Variants in COL5A1 observed in about 807,000 individuals in gnomAD.
The protein encoded by COL5A1 is collagen alpha-1(V) chain.
A neutral mutation model predicts 263.7 loss-of-function variants in COL5A1; 16 were observed. The observed-to-expected ratio is 0.06, with a 90% CI of 0.04 to 0.09. The LOEUF is 0.09. Among genes scored for constraint, COL5A1 ranks in the 10% least tolerant of loss-of-function variants. The pLI, the probability that COL5A1 is intolerant of heterozygous loss-of-function variation, is 1.00. For missense variants in COL5A1, 2,036 were observed against 2,540.5 expected, an observed-to-expected ratio of 0.80 and a Z score of 4.27; for synonymous variants, 1,012 against 1,004.5, an observed-to-expected ratio of 1.01 and a Z score of -0.14.
rs766527575 is a variant in COL5A1 at position 134,754,243 on chromosome 9, C to T, written c.1774-30C>T. Reference sequence around the variant, plus strand: ...TTTCTCCTGAGAAAGGCGGACTCGCCACTGACCCTTTGTCTCTTACCCCTG... The same window carrying T: ...TTTCTCCTGAGAAAGGCGGACTCGCTACTGACCCTTTGTCTCTTACCCCTG... On this transcript the variant is annotated intron_variant, in intron 15 of 65. Transcript: ENST00000371817. This position sits in a 1 kb window ranked among gnomAD's most constrained non-coding sequence, Gnocchi z 4.3. 6.2e-7 allele frequency: 1 copy of T among 1,612,038 alleles called. No individual in the cohort carries two copies. The highest frequency in any genetic ancestry group is 8.5e-7 in the Non-Finnish European group (1 of 1,179,234).
At chr9:134,831,000 C>T (rs1308817932) in intron 64 of COL5A1, among the ~76,000 whole-genome samples, 1 of 152,184 alleles carries the variant, frequency 6.6e-6, no homozygotes, top group Non-Finnish European at 1.5e-5. Flanking sequence ...CATTTATGGC[C>T]CAGATTCTCC....
intron 4 of COL5A1, among the ~76,000 whole-genome samples, chr9:134,722,726 A>T (rs564753269): frequency 6.6e-6 from 1 of 152,350 alleles, no homozygotes; most frequent in East Asian, 1.9e-4. Flanking sequence ...GCTTAATAAA[A>T]GTGTGTGGTT....
intron 39 of COL5A1, among the ~76,000 whole-genome samples, chr9:134,803,995 AC>A (rs1838205285): frequency 6.6e-6 from 1 of 152,162 alleles, no homozygotes; most frequent in Non-Finnish European, 1.5e-5. Flanking sequence ...ACTGGCCATA[AC>A]TTGCTGTGTT....
rs2132692154 is a variant in COL5A1 at position 134,754,948 on chromosome 9, G to T, written c.1827+622G>T. Among the ~76,000 whole-genome samples, 1 of 152,288 alleles carries T rather than the reference G, an allele frequency of 6.6e-6. No homozygotes were observed. The highest frequency in any genetic ancestry group is 1.5e-5 in the Non-Finnish European group (1 of 68,034). ...TGAACGAGAGAAATTTCGGTGCAGG[G>T]TTGGATTTGTTTCAGTGTGGACCTC... On this transcript the variant is annotated intron_variant, in intron 16 of 65. Transcript: ENST00000371817. The surrounding 1 kb of genome is among the most constrained non-coding windows in gnomAD (Gnocchi z 4.3).
At chr9:134,756,844 G>T (rs921744639) in intron 17 of COL5A1, 26 bp downstream of exon 17, 3 of 1,610,978 alleles carry the variant, frequency 1.9e-6, no homozygotes, top group Non-Finnish European at 2.5e-6. Flanking sequence ...CCCTCCTGGT[G>T]CCCTGGCATC....
At chr9:134,725,399 C>T (rs1460650844) in intron 4 of COL5A1, among the ~76,000 whole-genome samples, 1 of 152,186 alleles carries the variant, frequency 6.6e-6, no homozygotes, top group African/African-American at 2.4e-5. Flanking sequence ...TGATCTAATT[C>T]GTCATCACTG....
intron 18 of COL5A1, among the ~76,000 whole-genome samples, chr9:134,761,050 C>G (rs1026622981): frequency 1.3e-5 from 2 of 150,374 alleles, no homozygotes; most frequent in Non-Finnish European, 3.0e-5. Flanking sequence ...CACACATGCC[C>G]ACACTCACAC....
At chr9:134,671,709 T>C (rs1048829450) in intron 1 of COL5A1, among the ~76,000 whole-genome samples, 1 of 152,226 alleles carries the variant, frequency 6.6e-6, no homozygotes, top group Admixed American at 6.5e-5. Flanking sequence ...CATTTGTAAC[T>C]GGAAGTGTAT....
intron 1 of COL5A1, among the ~76,000 whole-genome samples, chr9:134,643,246 C>G (rs1365786768): frequency 6.6e-6 from 1 of 151,846 alleles, no homozygotes; most frequent in African/African-American, 2.4e-5. Flanking sequence ...CACAGACTCT[C>G]GAACATCAGA....
intron 1 of COL5A1, among the ~76,000 whole-genome samples, chr9:134,670,516 C>T (rs1564377073): frequency 6.6e-6 from 1 of 152,166 alleles, no homozygotes; most frequent in Non-Finnish European, 1.5e-5. Flanking sequence ...CAGTGGGGAG[C>T]TGTGATTTAA....
chr9:134,750,437 G>A, intron 11 of COL5A1, 105 bp from the exon 12 acceptor site: 2 of 1,004,006 alleles, frequency 2.0e-6, no homozygotes, highest in Non-Finnish European at 3.2e-6. Context: ...TGCGTGTCCA[G>A]TGCATTTCCC....
chr9:134,790,597 T>C (rs867908853), intron 32 of COL5A1, among the ~76,000 whole-genome samples: 10 of 65,676 alleles, frequency 1.5e-4, no homozygotes, highest in East Asian at 1.1e-3. Flanking sequence ...CATCTATCCA[T>C]CCACCCACCC....
chr9:134,714,635 GTGA>G (rs1208629195), intron 4 of COL5A1, among the ~76,000 whole-genome samples: 1 of 147,830 alleles, frequency 6.8e-6, no homozygotes, highest in South Asian at 2.2e-4. Context: ...GGTGGTGGAG[GTGA>G]TGGTGGTGGT....
chr9:134,744,533 ACT>A (rs778210337), intron 11 of COL5A1, among the ~76,000 whole-genome samples: 23 of 149,908 alleles, frequency 1.5e-4, no homozygotes, highest in South Asian at 2.1e-4. Context: ...ATACATGCAC[ACT>A]CACACCCACA....
At chr9:134,768,498 C>CT in intron 25 of COL5A1, 35 bp downstream of exon 25, 1 of 1,600,774 alleles carries the variant, frequency 6.2e-7, no homozygotes, top group East Asian at 2.2e-5. Context: ...CCTCCATACT[C>CT]TCCCCACCTC....
chr9:134,763,325 G>A (rs1836537456), intron 19 of COL5A1, among the ~76,000 whole-genome samples: 1 of 152,242 alleles, frequency 6.6e-6, no homozygotes, highest in Non-Finnish European at 1.5e-5. Flanking sequence ...GTTCCCCAGA[G>A]GGTGGCCCAG....
chr9:134,842,439 C>A lies in COL5A1; in HGVS notation c.*136C>A. The A allele has an allele frequency of 9.2e-7, 1 of 1,081,780 alleles. No homozygotes were observed. Among genetic ancestry groups the A allele is most frequent in the Non-Finnish European group, 1.4e-6 (1 of 738,966 alleles). The allele number at this position is 1,081,780 out of a possible 1,614,324, so 67.0% of individuals were successfully genotyped here. A position where few individuals can be genotyped will look rare whatever the true frequency, so the allele number is the denominator to read the frequency against. On this transcript the variant is annotated 3_prime_UTR_variant, in exon 66 of 66. Transcript: ENST00000371817. The surrounding 1 kb of genome is among the most constrained non-coding windows in gnomAD (Gnocchi z 5.8). ...CTCCCACCTGACTTCATCTACGCCT[C>A]GGCACCACGGGGTGTGGGACCCCAG...
intron 39 of COL5A1, 64 bp from the exon 40 acceptor site, chr9:134,804,911 C>A: frequency 7.0e-7 from 1 of 1,432,596 alleles, no homozygotes; most frequent in Non-Finnish European, 9.8e-7. Context: ...TGGCTTCGCT[C>A]TGGGGCTGGT....
At chr9:134,812,807 C>CAT in intron 48 of COL5A1, 95 bp downstream of exon 48, 1 of 872,530 alleles carries the variant, frequency 1.1e-6, no homozygotes, top group Non-Finnish European at 1.9e-6. Flanking sequence ...TGTGTATGTG[C>CAT]GCATGCACAC....
Sources: gnomAD v4.1 joint callset for allele counts (sites outside exome capture counted in the v4.1 genomes callset) on GRCh38, gnomAD v4.1.1 for gene constraint, Gnocchi (gnomAD v3.1) non-coding constraint, MANE v1.5 for transcripts, NCBI Gene and HGNC (gene_info 2026-07-23, HGNC 2026-07-21) for gene names.